The following RHOT1 variants were observed in gnomAD, a reference collection of about 807,000 sequenced individuals.
RHOT1 encodes the protein mitochondrial Rho GTPase 1.
Under a neutral mutation model 95.3 loss-of-function variants are expected in RHOT1, and 27 were observed. The observed-to-expected ratio is 0.28, with a 90% confidence interval of 0.21 to 0.39. The LOEUF (loss-of-function observed/expected upper bound fraction) is 0.39, where lower values mean the gene tolerates loss of function less well. Ranked by LOEUF, RHOT1 falls within the 10% of genes least tolerant of loss-of-function variation. The probability of loss-of-function intolerance (pLI) is 1.00; values close to 1 mark genes in which losing one functional copy is unlikely to be tolerated. For missense variants in RHOT1, 578 were observed against 786.7 expected, an observed-to-expected ratio of 0.73 and a Z score of 3.17; for synonymous variants, 227 against 263.5, an observed-to-expected ratio of 0.86 and a Z score of 1.34.
At chr17:32,193,467 C>T (rs2036646901) in intron 10 of RHOT1, among the ~76,000 whole-genome samples, 1 of 151,984 alleles carries the variant, frequency 6.6e-6, no homozygotes, top group African/African-American at 2.4e-5. Context: ...TTGGTTGGAT[C>T]TCAAGGATAC....
chr17:32,195,937 CAGTT>C (rs1483654340), intron 11 of RHOT1, among the ~76,000 whole-genome samples: 2 of 152,118 alleles, frequency 1.3e-5, no homozygotes, highest in East Asian at 1.9e-4. Flanking sequence ...TTAAGTATGA[CAGTT>C]AGGAAATTCC....
Position 32,182,194 on chromosome 17 carries a change from A to G in RHOT1, c.330-563A>G, listed in dbSNP as rs540387488. 1.7e-3 allele frequency among the ~76,000 whole-genome samples: 260 copies of G among 152,188 alleles called. 1 individual carries two copies. Among genetic ancestry groups the G allele is most frequent in the Non-Finnish European group, 3.2e-3 (219 of 68,010 alleles). ...TATTGCTCATTTTCTGTTTTTCACT[A>G]TTGGAATGATCAGGTTTATAGATCT... is the stretch of plus-strand genomic sequence containing the variant. On this transcript the variant is annotated intron_variant, in intron 6 of 19. Coordinates refer to ENST00000545287, the MANE Select transcript of RHOT1 (RefSeq NM_001033566.3).
intron 12 of RHOT1, 32 bp downstream of exon 12, chr17:32,199,063 A>G (rs377080119): frequency 2.8e-6 from 4 of 1,436,994 alleles, no homozygotes; most frequent in Non-Finnish European, 3.9e-6. Flanking sequence ...TCCATTATAT[A>G]TAGTAAAACA....
rs1462823522 is a variant in RHOT1 at position 32,225,670 on chromosome 17, A to G, written c.*937A>G. Reference sequence around the variant, plus strand: ...GAATATAAACTCTCATGATAAACCTATTTTTTCCATCATCAGCCTTTTCAA... The same window carrying G: ...GAATATAAACTCTCATGATAAACCTGTTTTTTCCATCATCAGCCTTTTCAA... On this transcript the variant is annotated 3_prime_UTR_variant, in exon 20 of 20. Transcript: ENST00000545287. 3.3e-5 allele frequency: 5 copies of G among 152,080 alleles called. No individual in the cohort carries two copies. Among genetic ancestry groups the G allele is most frequent in the African/African-American group, 4.8e-5 (2 of 41,414 alleles). The allele number at this position is 152,080 out of a possible 1,614,324, so 9.4% of individuals were successfully genotyped here.
chr17:32,180,924 G>A (rs1329014706), intron 6 of RHOT1, among the ~76,000 whole-genome samples: 2 of 152,198 alleles, frequency 1.3e-5, no homozygotes, highest in Non-Finnish European at 2.9e-5. Context: ...GTCTCAAGCA[G>A]TCCTTCCGCC....
intron 1 of RHOT1, chr17:32,143,106 T>C (rs1448456425): frequency 3.4e-6 from 2 of 581,808 alleles, no homozygotes; most frequent in Non-Finnish European, 6.7e-6. Flanking sequence ...GGCCGCCTCC[T>C]TTCAGACCTT....
Position 32,209,594 on chromosome 17 carries a change from G to A in RHOT1, c.1739+1285G>A, listed in dbSNP as rs532432946. On this transcript the variant is annotated intron_variant, in intron 18 of 19. Transcript: ENST00000545287. ...GGCTTCCTGCCTAGCTATATATTAC[G>A]TTGTCTTCCTTACTACATAAATGTA... 197 of 538,626 alleles carry A rather than the reference G, an allele frequency of 3.7e-4. 3 individuals are homozygous for A. The South Asian group carries it at 4.1e-3, about 11-fold the overall frequency. The allele number at this position is 538,626 out of a possible 1,614,324, so 33.4% of individuals were successfully genotyped here.
chr17:32,174,145 C>G (rs1310411865), intron 3 of RHOT1, among the ~76,000 whole-genome samples: 1 of 152,156 alleles, frequency 6.6e-6, no homozygotes, highest in East Asian at 1.9e-4. Context: ...TCCATAATAC[C>G]TGTGGCTGTT....
At chr17:32,168,062 A>C (rs572291228) in intron 1 of RHOT1, among the ~76,000 whole-genome samples, 43 of 152,144 alleles carry the variant, frequency 2.8e-4, no homozygotes, top group African/African-American at 9.6e-4. Context: ...ACATTTGTTT[A>C]CAGAATGGCT....
At chr17:32,189,433 C>T (rs552786177) in intron 8 of RHOT1, among the ~76,000 whole-genome samples, 4 of 152,268 alleles carry the variant, frequency 2.6e-5, no homozygotes, top group African/African-American at 7.2e-5. Flanking sequence ...AAGAATTTAC[C>T]TCTGAGGCCT....
chr17:32,192,389 A>G, intron 9 of RHOT1, 90 bp downstream of exon 9: 4 of 744,468 alleles, frequency 5.4e-6, no homozygotes, highest in African/African-American at 1.8e-5. Context: ...TTAAACAACA[A>G]GAACAGTATG....
At chr17:32,150,774 A>C in intron 1 of RHOT1, 2 of 1,581,032 alleles carry the variant, frequency 1.3e-6, no homozygotes. Flanking sequence ...TTTGGAAGTC[A>C]CTTGTGGGAC....
chr17:32,178,260 C>T (rs796971300), intron 6 of RHOT1, among the ~76,000 whole-genome samples: 3 of 148,614 alleles, frequency 2.0e-5, no homozygotes, highest in East Asian at 2.1e-4. Flanking sequence ...GCCGTGATCT[C>T]GGCTCACTGC....
In RHOT1 at chr17:32,192,653, G is replaced by A. The variant is rs565525253; in HGVS notation, c.639+354G>A. Among the ~76,000 whole-genome samples the A allele has an allele frequency of 7.7e-4, 115 of 150,012 alleles. 2 individuals carry two copies. The highest frequency in any genetic ancestry group is 3.2e-3 in the Middle Eastern group (1 of 312). The stretch of plus-strand genomic sequence containing the variant: ...GTTGGGAATGTTTCTTTCTAAGAAT[G>A]ACATGTTTTACTTTTTTTTTTTTTT... On this transcript the variant is annotated intron_variant, in intron 9 of 19. Transcript: ENST00000545287.
intron 8 of RHOT1, among the ~76,000 whole-genome samples, chr17:32,188,691 C>A (rs563481617): frequency 1.3e-5 from 2 of 152,306 alleles, no homozygotes; most frequent in Admixed American, 1.3e-4. Flanking sequence ...AAACTGTACT[C>A]AGTTATATTT....
chr17:32,217,860 A>AT (rs201368002), intron 19 of RHOT1, among the ~76,000 whole-genome samples: 8 of 143,702 alleles, frequency 5.6e-5, no homozygotes, highest in Admixed American at 4.7e-4. Context: ...ATTTTATTTT[A>AT]TTTATTTATT....
chr17:32,150,664 T>C (rs2032169545), intron 1 of RHOT1: 1 of 1,596,710 alleles, frequency 6.3e-7, no homozygotes, highest in Admixed American at 1.7e-5. Context: ...CTCATTCTCA[T>C]CAGGAAGATT....
chr17:32,186,093 C>T (rs542354610), intron 8 of RHOT1, among the ~76,000 whole-genome samples: 21 of 152,268 alleles, frequency 1.4e-4, no homozygotes, highest in African/African-American at 3.4e-4. Flanking sequence ...ATTTGACATA[C>T]GGAGGAACCA....
At chr17:32,181,023 G>C (rs1204229442) in intron 6 of RHOT1, among the ~76,000 whole-genome samples, 1 of 152,162 alleles carries the variant, frequency 6.6e-6, no homozygotes, top group Non-Finnish European at 1.5e-5. Context: ...AACCCTCCTG[G>C]TTCTGGTAGG....
Sources: gnomAD v4.1 joint callset for allele counts (sites outside exome capture counted in the v4.1 genomes callset) on GRCh38, gnomAD v4.1.1 for gene constraint, MANE v1.5 for transcripts, NCBI Gene and HGNC (gene_info 2026-07-23, HGNC 2026-07-21) for gene names.